Variants in ACOXL observed in about 807,000 individuals in gnomAD.
The protein encoded by ACOXL is acyl-coenzyme A oxidase-like protein.
In ACOXL, 70 loss-of-function variants were observed where a neutral mutation model predicts 71.9. That is an observed-to-expected ratio of 0.97 (90% CI 0.80 to 1.19). The LOEUF (loss-of-function observed/expected upper bound fraction) is 1.19, where lower values mean the gene tolerates loss of function less well. Among genes scored for constraint, ACOXL ranks in the 50% most tolerant of loss-of-function variants. The probability of loss-of-function intolerance (pLI) is 0.00; values close to 1 mark genes in which losing one functional copy is unlikely to be tolerated. For synonymous variants in ACOXL, 253 were observed against 281.6 expected, an observed-to-expected ratio of 0.90 and a Z score of 1.02; for missense variants, 703 against 736.3, an observed-to-expected ratio of 0.95 and a Z score of 0.52.
chr2:110,943,331 A>G (rs540549251), intron 12 of ACOXL, among the ~76,000 whole-genome samples: 3 of 151,644 alleles, frequency 2.0e-5, no homozygotes, highest in African/African-American at 7.2e-5. Flanking sequence ...AAAAGAAGGA[A>G]AGGAAGGAGG....
rs181601563 is a variant in ACOXL, at chr2:111,037,518, C to A, written c.1369+5804C>A. 3.9e-5 allele frequency among the ~76,000 whole-genome samples: 6 copies of A among 152,288 alleles called. No individual in the cohort carries two copies. In the East Asian group the frequency reaches 1.2e-3, roughly 29 times the overall value. Reference sequence around the variant, plus strand: ...GACCTAGATGCTAATGAAATGCCACCCTTTGAGCCCAGTCTAATGGCCAAC... The same window carrying A: ...GACCTAGATGCTAATGAAATGCCACACTTTGAGCCCAGTCTAATGGCCAAC... On this transcript the variant is annotated intron_variant, in intron 15 of 17. Coordinates refer to ENST00000439055, the MANE Select transcript of ACOXL (RefSeq NM_001142807.4).
intron 17 of ACOXL, among the ~76,000 whole-genome samples, chr2:111,110,989 C>G (rs1574796125): frequency 6.6e-6 from 1 of 152,238 alleles, no homozygotes; most frequent in South Asian, 2.1e-4. Flanking sequence ...GGGGATTTTG[C>G]CTCTTGAAAA....
At chr2:111,047,416 C>A (rs769158330) in intron 15 of ACOXL, among the ~76,000 whole-genome samples, 36 of 152,266 alleles carry the variant, frequency 2.4e-4, no homozygotes, top group Non-Finnish European at 3.8e-4. Context: ...TAAACCTTTA[C>A]CAAATAAAAT....
At chr2:110,768,656 G>T (rs1246269497) in intron 2 of ACOXL, among the ~76,000 whole-genome samples, 192 bp downstream of exon 2, 1 of 151,932 alleles carries the variant, frequency 6.6e-6, no homozygotes, top group Non-Finnish European at 1.5e-5. Flanking sequence ...CCCAGTAGTG[G>T]GCACTGAACT....
intron 1 of ACOXL, among the ~76,000 whole-genome samples, chr2:110,767,948 AC>A: frequency 6.7e-6 from 1 of 150,020 alleles, no homozygotes; most frequent in African/African-American, 2.5e-5. Flanking sequence ...ACACACACAC[AC>A]ACACACACAC....
intron 10 of ACOXL, among the ~76,000 whole-genome samples, chr2:110,864,038 C>G (rs1181121322): frequency 2.0e-5 from 3 of 152,020 alleles, no homozygotes; most frequent in Non-Finnish European, 4.4e-5. Context: ...GATCCCTTCA[C>G]TCAGGCACAG....
At chr2:110,898,531 A>T (rs1295228093) in intron 10 of ACOXL, among the ~76,000 whole-genome samples, 1 of 152,230 alleles carries the variant, frequency 6.6e-6, no homozygotes, top group Admixed American at 6.5e-5. Context: ...GTGTTTGAAA[A>T]ATTCAGTATA....
intron 17 of ACOXL, chr2:111,098,611 A>G (rs895155614): frequency 4.6e-5 from 7 of 152,226 alleles, no homozygotes; most frequent in Non-Finnish European, 1.0e-4. Flanking sequence ...TAAAATCTGA[A>G]TAAAGTCTAT....
chr2:110,768,351 G>A lies in ACOXL; in HGVS notation c.-22-17G>A, dbSNP rs548999509. On this transcript the variant is annotated splice_polypyrimidine_tract_variant and intron_variant, in intron 1 of 17. Coordinates refer to ENST00000439055, the MANE Select transcript of ACOXL (RefSeq NM_001142807.4). ...CACCAATTATTGGCTGTCTTATTTTGTATCTGTTCTTCACAGGTATGATTT... is the reference window on the plus strand; with the variant it reads ...CACCAATTATTGGCTGTCTTATTTTATATCTGTTCTTCACAGGTATGATTT... The A allele has an allele frequency of 1.2e-6, 2 of 1,606,720 alleles. No homozygotes were observed. Among genetic ancestry groups the A allele is most frequent in the Non-Finnish European group, 1.7e-6 (2 of 1,173,728 alleles).
chr2:110,930,845 T>A (rs960788048), intron 11 of ACOXL, among the ~76,000 whole-genome samples: 3 of 152,210 alleles, frequency 2.0e-5, no homozygotes, highest in Admixed American at 6.5e-5. Context: ...CCTTCCATCA[T>A]GATTGTGAGC....
chr2:110,900,241 A>G (rs1037593136), intron 10 of ACOXL, among the ~76,000 whole-genome samples: 1 of 152,130 alleles, frequency 6.6e-6, no homozygotes, highest in Non-Finnish European at 1.5e-5. Context: ...CTCTTTTTAC[A>G]ACAGTTTTAG....
At chr2:110,991,411 T>G (rs2063166615) in intron 13 of ACOXL, among the ~76,000 whole-genome samples, 1 of 152,208 alleles carries the variant, frequency 6.6e-6, no homozygotes, top group Non-Finnish European at 1.5e-5. Context: ...TCTATTTCAT[T>G]GATTTATGCT....
chr2:110,937,004 G>A (rs917073772), intron 12 of ACOXL, among the ~76,000 whole-genome samples: 2 of 152,100 alleles, frequency 1.3e-5, no homozygotes, highest in African/African-American at 4.8e-5. Context: ...GTGCCACCAT[G>A]CCCAGCTAAT....
intron 17 of ACOXL, among the ~76,000 whole-genome samples, chr2:111,096,918 A>C (rs1574751812): frequency 6.6e-6 from 1 of 152,114 alleles, no homozygotes; most frequent in East Asian, 1.9e-4. Context: ...CCCCCTGTGG[A>C]TATAGCTCTT....
chr2:110,961,239 A>G (rs2061690342), intron 12 of ACOXL, among the ~76,000 whole-genome samples: 1 of 152,238 alleles, frequency 6.6e-6, no homozygotes, highest in East Asian at 1.9e-4. Flanking sequence ...TCCAGAATCA[A>G]CATCCAGTTT....
intron 12 of ACOXL, among the ~76,000 whole-genome samples, chr2:110,965,428 G>A (rs1410171632): frequency 6.6e-6 from 1 of 152,100 alleles, no homozygotes; most frequent in Non-Finnish European, 1.5e-5. Flanking sequence ...CCTCCATACT[G>A]TTTTTTATAG....
In ACOXL at chr2:110,886,953, T is replaced by A. The variant is rs184801924; in HGVS notation, c.789-21836T>A. The A allele has an allele frequency of 3.2e-5, 43 of 1,361,586 alleles. No homozygotes were observed. In the East Asian group the frequency reaches 1.1e-3, roughly 34 times the overall value. 84.3% of individuals were successfully genotyped at this position (1,361,586 alleles called of 1,614,324 possible). A position where few individuals can be genotyped will look rare whatever the true frequency, so the allele number is the denominator to read the frequency against. ...TTTCCCGTGGCAGATCCCTATAGGCTTCTCACTGCACTATCCCAAACTTTT... is the reference window on the plus strand; with the variant it reads ...TTTCCCGTGGCAGATCCCTATAGGCATCTCACTGCACTATCCCAAACTTTT... On this transcript the variant is annotated intron_variant, in intron 10 of 17. Transcript: ENST00000439055.
intron 1 of ACOXL, among the ~76,000 whole-genome samples, chr2:110,751,920 T>G (rs147658734): frequency 4.1e-4 from 62 of 152,256 alleles, no homozygotes; most frequent in African/African-American, 1.3e-3. Flanking sequence ...CTACAACAGA[T>G]ACTAAAGATG....
In ACOXL at chr2:110,799,059, T is replaced by G. The variant is rs944517589; in HGVS notation, c.506T>G (p.Leu169Trp). The G allele has an allele frequency of 1.2e-6, 2 of 1,613,900 alleles. No homozygotes were observed. The highest frequency in any genetic ancestry group is 1.7e-6 in the Non-Finnish European group (2 of 1,179,878). The change falls in exon 7 of 18, where the codon TTG (leucine) becomes TGG (tryptophan). Residue 169 changes from leucine (L) to tryptophan (W), a missense_variant. Physicochemically the swap from Leu to Trp is moderately conservative, Grantham distance 61. Coordinates refer to ENST00000439055, the MANE Select transcript of ACOXL (RefSeq NM_001142807.4). Reference sequence around the variant, plus strand: ...CCTGTCCGGGATGAAAACGGAAGCTTGTACCCAGGAGTCACAGCTATTGAT... The same window carrying G: ...CCTGTCCGGGATGAAAACGGAAGCTGGTACCCAGGAGTCACAGCTATTGAT... ...IVPVRDENGS[L>W]YPGVTAIDMM... is the part of the protein sequence containing the mutation.
Sources: gnomAD v4.1 joint callset for allele counts (sites outside exome capture counted in the v4.1 genomes callset) on GRCh38, gnomAD v4.1.1 for gene constraint, MANE v1.5 for transcripts, NCBI Gene and HGNC (gene_info 2026-07-23, HGNC 2026-07-21) for gene names.